PEX5L: variants seen among roughly 807,000 people sequenced by gnomAD.
PEX5L encodes PEX5-related protein.
PEX5L carries 30 observed loss-of-function variants against 84.0 expected under a neutral mutation model. The observed-to-expected ratio is 0.36, with a 90% CI of 0.27 to 0.48. PEX5L has a LOEUF of 0.48. Ranked by LOEUF, PEX5L falls within the 20% of genes least tolerant of loss-of-function variation. PEX5L has a pLI of 0.99. For synonymous variants in PEX5L, 270 were observed against 283.1 expected (o/e 0.95, Z 0.46); for missense variants, 533 against 754.6 (o/e 0.71, Z 3.44).
rs1208942455 is a variant in PEX5L at position 179,795,430 on chromosome 3, A to G, written c.*6398T>C. The G allele has an allele frequency of 1.3e-5, 2 of 152,226 alleles. No individual in the cohort carries two copies. Among genetic ancestry groups the G allele is most frequent in the Non-Finnish European group, 2.9e-5 (2 of 68,024 alleles). The allele number at this position is 152,226 out of a possible 1,614,324, so 9.4% of individuals were successfully genotyped here. A position where few individuals can be genotyped will look rare whatever the true frequency, so the allele number is the denominator to read the frequency against. ...TATGATAAGAGGTTATTTTTATGGT[A>G]GTAATTTTATTTCAAAGAGCAACGC... On this transcript the variant is annotated 3_prime_UTR_variant, in exon 15 of 15. Transcript: ENST00000467460.
At chr3:179,991,878 T>C (rs1274795032) in intron 1 of PEX5L, among the ~76,000 whole-genome samples, 1 of 152,248 alleles carries the variant, frequency 6.6e-6, no homozygotes, top group East Asian at 1.9e-4. Context: ...ACAAAGTATA[T>C]TTTCTTAGCT....
At chr3:179,894,496 G>C (rs1286766145) in intron 3 of PEX5L, among the ~76,000 whole-genome samples, 1 of 152,086 alleles carries the variant, frequency 6.6e-6, no homozygotes, top group Non-Finnish European at 1.5e-5. Context: ...TGACAGGATA[G>C]CTAGACTTTT....
chr3:179,920,707 T>C (rs1769044854), intron 2 of PEX5L, among the ~76,000 whole-genome samples: 2 of 152,186 alleles, frequency 1.3e-5, no homozygotes, highest in Admixed American at 1.3e-4. Context: ...TTTTCACATC[T>C]TTACAAACTT....
chr3:179,875,396 C>G lies in PEX5L; in HGVS notation c.587G>C (p.Arg196Thr). 6.2e-7 allele frequency: 1 copy of G among 1,613,626 alleles called. No individual in the cohort carries two copies. Residue 196 changes from arginine to threonine, a missense_variant, in exon 6 of 15, where the codon AGA becomes ACA. This residue lies in a region of PEX5L where 259 missense variants were observed against 301.7 expected (regional missense o/e 0.86). Transcript: ENST00000467460. ...TCCAGTTCTAGATGAGGATGATTTT[C>G]TCTCTGCCATTGGATGTCCCTTGGT... is the stretch of plus-strand genomic sequence containing the variant. ...RNTKGHPMAERKSSSSRTGSK... is the reference protein window; with the variant it reads ...RNTKGHPMAETKSSSSRTGSK...
chr3:179,798,476 A>C lies in PEX5L; in HGVS notation c.*3352T>G, dbSNP rs1256635142. ...ACCAGGAAGGTACAACAGCATGTAG[A>C]AGTAGCCTACTAGAAATGGTTATAT... On this transcript the variant is annotated 3_prime_UTR_variant, in exon 15 of 15. Transcript: ENST00000467460. 6.6e-6 allele frequency: 1 copy of C among 152,194 alleles called. No homozygotes were observed. Among genetic ancestry groups the C allele is most frequent in the East Asian group, 1.9e-4 (1 of 5,200 alleles). 9.4% of individuals were successfully genotyped at this position (152,194 alleles called of 1,614,324 possible). A position where few individuals can be genotyped will look rare whatever the true frequency, so the allele number is the denominator to read the frequency against.
chr3:179,968,334 C>G (rs1466032355), intron 2 of PEX5L, among the ~76,000 whole-genome samples: 1 of 152,122 alleles, frequency 6.6e-6, no homozygotes, highest in Non-Finnish European at 1.5e-5. Flanking sequence ...AGTCAAGGCA[C>G]TTGACTATCT....
chr3:179,847,965 G>A (rs1170174950), intron 8 of PEX5L, among the ~76,000 whole-genome samples: 1 of 143,912 alleles, frequency 6.9e-6, no homozygotes. Context: ...TCCAACGTTT[G>A]GGTATTTTTT....
intron 8 of PEX5L, among the ~76,000 whole-genome samples, chr3:179,846,136 C>T (rs2108381898): frequency 6.6e-6 from 1 of 152,210 alleles, no homozygotes; most frequent in East Asian, 1.9e-4. Context: ...CACCACTGCA[C>T]TCCAGCCTGG....
chr3:179,908,787 AG>A (rs936672605), intron 2 of PEX5L, among the ~76,000 whole-genome samples: 36 of 152,314 alleles, frequency 2.4e-4, no homozygotes, highest in African/African-American at 8.4e-4. Flanking sequence ...GTCCCTACAA[AG>A]GACGTGAACT....
chr3:179,955,388 G>C (rs1780229819), intron 2 of PEX5L, among the ~76,000 whole-genome samples: 1 of 150,840 alleles, frequency 6.6e-6, no homozygotes, highest in Non-Finnish European at 1.5e-5. Context: ...TTGGCACCTT[G>C]CTGAAGCTAA....
chr3:179,809,472 T>C lies in PEX5L; in HGVS notation c.1351A>G (p.Ser451Gly). 1.9e-6 allele frequency: 3 copies of C among 1,611,058 alleles called. No individual in the cohort carries two copies. Among genetic ancestry groups the C allele is most frequent in the East Asian group, 2.2e-5 (1 of 44,864 alleles). The change falls in exon 12 of 15, where the codon AGC (serine) becomes GGC (glycine). Residue 451 changes from serine to glycine, a missense_variant and splice_region_variant. By Grantham distance (56) the Ser-to-Gly change is moderately conservative. Transcript: ENST00000467460. Reference protein sequence around the residue: ...TRRMSKSPVDSSVLEGVKELY... With the variant: ...TRRMSKSPVDGSVLEGVKELY... ...GCTGTAATATAACGAGAAGGATACC[T>C]ATCAACTGGGGACTTAGACATCCGC...
intron 10 of PEX5L, among the ~76,000 whole-genome samples, chr3:179,814,066 C>T (rs1197006319): frequency 6.6e-6 from 1 of 151,920 alleles, no homozygotes; most frequent in Non-Finnish European, 1.5e-5. Context: ...ACTGATCCTC[C>T]CGCCTTAGCC....
chr3:179,847,467 A>C (rs1739980246), intron 8 of PEX5L, among the ~76,000 whole-genome samples: 1 of 152,172 alleles, frequency 6.6e-6, no homozygotes, highest in Non-Finnish European at 1.5e-5. Context: ...GGAAGTATTT[A>C]GTTATTAAAC....
chr3:179,917,258 T>A (rs918971775), intron 2 of PEX5L, among the ~76,000 whole-genome samples: 2 of 152,120 alleles, frequency 1.3e-5, no homozygotes, highest in Non-Finnish European at 2.9e-5. Context: ...CATGCATGGA[T>A]CTGTCATCTA....
chr3:179,868,024 T>TTTCTTC lies in PEX5L; in HGVS notation c.726+6302_726+6303insGAAGAA, dbSNP rs1327660438. 3.7e-3 allele frequency among the ~76,000 whole-genome samples: 515 copies of TTTCTTC among 139,056 alleles called. 44 individuals are homozygous for TTTCTTC. The highest frequency in any genetic ancestry group is 3.6e-3 in the Middle Eastern group (1 of 278). The allele number at this position is 139,056 out of a possible 152,430, so 91.2% of individuals were successfully genotyped here. ...GAACAAATGCTTTATTATTTATGTA[T>TTTCTTC]TTATTCTTCTTCTTCTTCTTTTTTT... On this transcript the variant is annotated intron_variant, in intron 7 of 14. Coordinates refer to ENST00000467460, the MANE Select transcript of PEX5L (RefSeq NM_016559.3).
Position 180,036,818 on chromosome 3 carries a change from G to A in PEX5L, c.-219C>T. On this transcript the variant is annotated 5_prime_UTR_variant, in exon 1 of 15. Coordinates refer to ENST00000467460, the MANE Select transcript of PEX5L (RefSeq NM_016559.3). ...CGCTCGGGGTGCTGAAAGCGGACGC[G>A]GGAGAGCGCGCAGAGAAGGCGAGGA... is the stretch of plus-strand genomic sequence containing the variant. 1 of 575,842 alleles carries A rather than the reference G, an allele frequency of 1.7e-6. No homozygotes were observed. Among genetic ancestry groups the A allele is most frequent in the Non-Finnish European group, 3.1e-6 (1 of 318,698 alleles). 35.7% of individuals were successfully genotyped at this position (575,842 alleles called of 1,614,324 possible).
intron 1 of PEX5L, among the ~76,000 whole-genome samples, chr3:180,006,366 A>AT (rs67924478): frequency 0.18 from 27,029 of 151,318 alleles, 2,684 homozygotes; most frequent in African/African-American, 0.28. Context: ...AGTTTTCATT[A>AT]TTTTTTTTTC....
chr3:179,810,550 A>C (rs556190252), intron 11 of PEX5L, among the ~76,000 whole-genome samples: 1 of 152,190 alleles, frequency 6.6e-6, no homozygotes, highest in East Asian at 1.9e-4. Flanking sequence ...TGTCTTATAA[A>C]ATCTTCATTC....
chr3:179,883,121 AAAGT>A (rs1560526970), intron 4 of PEX5L, among the ~76,000 whole-genome samples: 1 of 152,120 alleles, frequency 6.6e-6, no homozygotes, highest in African/African-American at 2.4e-5. Context: ...ATGAACGTGA[AAAGT>A]GTGTGCGTGT....
Sources: allele counts gnomAD v4.1 joint callset (sites outside exome capture counted in the v4.1 genomes callset), GRCh38; gene constraint gnomAD v4.1.1; regional missense constraint gnomAD v4.1.1; transcripts MANE v1.5; gene names NCBI Gene and HGNC (gene_info 2026-07-23, HGNC 2026-07-21).